The following RHNO1 variants were observed in gnomAD, a reference collection of about 807,000 sequenced individuals.
The protein encoded by RHNO1 is RAD9, HUS1, RAD1-interacting nuclear orphan protein 1.
Under a neutral mutation model 7.2 loss-of-function variants are expected in RHNO1, and 9 were observed. That is an observed-to-expected ratio of 1.25 (90% confidence interval 0.75 to 2.18). The LOEUF (loss-of-function observed/expected upper bound fraction) is 2.18, where lower values mean the gene tolerates loss of function less well. RHNO1 is among the 30% of genes most tolerant of loss of function. RHNO1 has a pLI of 0.00. For missense variants in RHNO1, 292 were observed against 284.5 expected (o/e 1.03, Z -0.19); for synonymous variants, 95 against 107.5 (o/e 0.88, Z 0.72).
At chr12:2,881,477 A>G (rs1389088430) in intron 1 of RHNO1, among the ~76,000 whole-genome samples, 1 of 152,058 alleles carries the variant, frequency 6.6e-6, no homozygotes, top group African/African-American at 2.4e-5. Context: ...ATTCTCTGGT[A>G]TATATTTTCA....
Position 2,883,075 on chromosome 12 carries a change from A to AAAAAACAACAAC in RHNO1, c.-84-2203_-84-2202insCAACAACAAAAA, listed in dbSNP as rs1555108314. On this transcript the variant is annotated intron_variant, in intron 1 of 2. Transcript: ENST00000489288. ...GAGCAAGGCCCTGTCTCAAAAAAAA[A>AAAAAACAACAAC]AAAAAAAAAACACATAGAAAACCTG... Among the ~76,000 whole-genome samples, 38 of 134,504 alleles carry AAAAAACAACAAC rather than the reference A, an allele frequency of 2.8e-4. 1 individual carries two copies. The highest frequency in any genetic ancestry group is 4.8e-4 in the Admixed American group (6 of 12,620). 88.2% of individuals were successfully genotyped at this position (134,504 alleles called of 152,430 possible).
In RHNO1 at chr12:2,888,416, A is replaced by G; in HGVS notation, c.674A>G (p.Glu225Gly). 1 of 1,606,682 alleles carries G rather than the reference A, an allele frequency of 6.2e-7. No homozygotes were observed. The highest frequency in any genetic ancestry group is 8.5e-7 in the Non-Finnish European group (1 of 1,177,132). Reference protein sequence around the residue: ...RRQHLLAYLRERGKLSRSQFL... With the variant: ...RRQHLLAYLRGRGKLSRSQFL... ...CAGCACCTGCTTGCTTACCTCAGGGAGAGAGGGAAGCTGAGCAGAAGCCAA... is the reference window on the plus strand; with the variant it reads ...CAGCACCTGCTTGCTTACCTCAGGGGGAGAGGGAAGCTGAGCAGAAGCCAA... The change falls in exon 3 of 3, where the codon GAG (glutamate) becomes GGG (glycine). Residue 225 changes from glutamate (E) to glycine (G), a missense_variant. Glu to Gly is a moderately conservative substitution (Grantham distance 98). Transcript: ENST00000489288.
chr12:2,883,515 T>G (rs1411239170), intron 1 of RHNO1, among the ~76,000 whole-genome samples: 1 of 24,432 alleles, frequency 4.1e-5, no homozygotes, highest in Admixed American at 5.4e-4. Context: ...ATATATATTT[T>G]TTTTTTTTTT....
rs199616976 is a variant in RHNO1, at chr12:2,888,274, A to G, written c.532A>G (p.Ser178Gly). ...ELIPQDQKEN[S>G]LLSCTLHTGT... ...CATTCCCCAAGATCAGAAGGAAAAC[A>G]GCCTTCTAAGCTGCACTCTTCACAC... Residue 178 changes from serine (S) to glycine (G), a missense_variant, in exon 3 of 3, where the codon AGC becomes GGC. Ser to Gly is a moderately conservative substitution (Grantham distance 56). Transcript: ENST00000489288. The G allele has an allele frequency of 1.6e-4, 260 of 1,614,038 alleles. No homozygotes were observed. Among genetic ancestry groups the G allele is most frequent in the Middle Eastern group, 4.9e-4 (3 of 6,084 alleles).
Position 2,885,385 on chromosome 12 carries a change from C to A in RHNO1, c.19C>A (p.Arg7Ser). 1.9e-6 allele frequency: 3 copies of A among 1,612,618 alleles called. No individual in the cohort carries two copies. The highest frequency in any genetic ancestry group is 2.5e-6 in the Non-Finnish European group (3 of 1,179,560). The change falls in exon 2 of 3, where the codon CGC (arginine) becomes AGC (serine). Residue 7 changes from arginine to serine, a missense_variant. By Grantham distance (110) the Arg-to-Ser change is moderately radical. Transcript: ENST00000489288. ...CCGGTTGATGCCTCCCAGAAAAAAA[C>A]GCCGCCAGCCTTCCCAGAAAGCCCC... MPPRKK[R>S]RQPSQKAPLL...
chr12:2,888,065 G>T lies in RHNO1; in HGVS notation c.323G>T (p.Gly108Val). The T allele has an allele frequency of 6.2e-7, 1 of 1,614,042 alleles. No homozygotes were observed. Among genetic ancestry groups the T allele is most frequent in the Non-Finnish European group, 8.5e-7 (1 of 1,180,008 alleles). ...CAATCTTCCAGTTCAGAGACATTGG[G>T]GATCCCCTTAATCCGAGAGTGCCCC... ...SPQSSSSETL[G>V]IPLIRECPSE... is the part of the protein sequence containing the mutation. Residue 108 changes from glycine to valine, a missense_variant, in exon 3 of 3, where the codon GGG (glycine) becomes GTG (valine). Coordinates refer to ENST00000489288, the MANE Select transcript of RHNO1 (RefSeq NM_001252499.3).
chr12:2,883,823 T>G (rs1438100202), intron 1 of RHNO1, among the ~76,000 whole-genome samples: 2 of 151,854 alleles, frequency 1.3e-5, no homozygotes, highest in South Asian at 4.2e-4. Context: ...GCCAAATATA[T>G]TTTCTTCCAA....
chr12:2,885,561 ATTTTTTTTTT>A (rs10558952), intron 2 of RHNO1, 27 bp downstream of exon 2: 21 of 399,312 alleles, frequency 5.3e-5, no homozygotes, highest in East Asian at 2.2e-4. Flanking sequence ...ACTATTTGAC[ATTTTTTTTTT>A]TTTTTTTTTT....
chr12:2,888,526 G>A lies in RHNO1; in HGVS notation c.*67G>A. ...GAGTCATAAAGGAATTCAATTCCTA[G>A]GGTTTTTGTTTTTGTTTTTGAGATG... On this transcript the variant is annotated 3_prime_UTR_variant, in exon 3 of 3. Transcript: ENST00000489288. 2 of 1,408,990 alleles carry A rather than the reference G, an allele frequency of 1.4e-6. No individual in the cohort carries two copies. The highest frequency in any genetic ancestry group is 2.9e-5 in the South Asian group (2 of 68,560). 87.3% of individuals were successfully genotyped at this position (1,408,990 alleles called of 1,614,324 possible).
At chr12:2,878,829 C>T (rs28990677) in intron 1 of RHNO1, among the ~76,000 whole-genome samples, 1,577 of 151,838 alleles carry the variant, frequency 0.01, 48 homozygotes, top group African/African-American at 0.035. Context: ...AGCTGCATAA[C>T]TGAAGGAATA....
At chr12:2,882,315 A>C (rs2098158890) in intron 1 of RHNO1, among the ~76,000 whole-genome samples, 1 of 151,186 alleles carries the variant, frequency 6.6e-6, no homozygotes, top group South Asian at 2.1e-4. Flanking sequence ...TAAATAAATA[A>C]AACTTTAAAA....
rs1347119277 is a variant in RHNO1, at chr12:2,888,133, G to C, written c.391G>C (p.Val131Leu). The C allele has an allele frequency of 7.4e-6, 12 of 1,613,766 alleles. No homozygotes were observed. The highest frequency in any genetic ancestry group is 1.0e-5 in the Non-Finnish European group (12 of 1,179,900). The change falls in exon 3 of 3, where the codon GTG becomes CTG. Residue 131 changes from valine (V) to leucine (L), a missense_variant. Physicochemically the swap from Val to Leu is conservative, Grantham distance 32. Coordinates refer to ENST00000489288, the MANE Select transcript of RHNO1 (RefSeq NM_001252499.3). ...TGTTTCCAGAAGACCCTTAGTTCCA[G>C]TGCTCAGTCCCCAAAGCTGTGGGAA... ...KDVSRRPLVP[V>L]LSPQSCGNMS...
chr12:2,883,303 G>A (rs1195510053), intron 1 of RHNO1, among the ~76,000 whole-genome samples: 2 of 150,468 alleles, frequency 1.3e-5, no homozygotes, highest in East Asian at 3.9e-4. Flanking sequence ...CTGAGCCTGG[G>A]AGGTCAAGGC....
At chr12:2,876,893 G>A (rs1020395121), upstream of RHNO1, 1 of 152,548 alleles carries the variant, frequency 6.6e-6, no homozygotes, top group African/African-American at 2.4e-5. Context: ...GGCCAGGCCT[G>A]GGACTCCATT....
In RHNO1 at chr12:2,888,475, T is replaced by G. The variant is rs768621136; in HGVS notation, c.*16T>G. ...GAAAAGCTGACTGCCATCAGTAATC[T>G]CAATAGAAAAGAGATATGTTTTCTG... On this transcript the variant is annotated 3_prime_UTR_variant, in exon 3 of 3. Transcript: ENST00000489288. The G allele has an allele frequency of 2.0e-6, 3 of 1,535,052 alleles. No homozygotes were observed. Among genetic ancestry groups the G allele is most frequent in the Admixed American group, 2.2e-5 (1 of 45,754 alleles).
chr12:2,878,350 G>A (rs1024958030), intron 1 of RHNO1, among the ~76,000 whole-genome samples: 3 of 152,100 alleles, frequency 2.0e-5, no homozygotes, highest in African/African-American at 7.3e-5. Context: ...TAAGCAGAGG[G>A]AATCAGGCGT....
At chr12:2,877,512 G>A (rs2098148572) in intron 1 of RHNO1, among the ~76,000 whole-genome samples, 1 of 152,148 alleles carries the variant, frequency 6.6e-6, no homozygotes, top group African/African-American at 2.4e-5. Context: ...TTCAAAGCTC[G>A]GCTTTAGTTG....
intron 2 of RHNO1, 135 bp downstream of exon 2, chr12:2,885,669 G>A: frequency 1.4e-6 from 1 of 726,576 alleles, no homozygotes. Flanking sequence ...CCGCCTCCTG[G>A]GTTCACACCA....
At chr12:2,883,501 A>ATT (rs2098161252) in intron 1 of RHNO1, among the ~76,000 whole-genome samples, 1 of 31,238 alleles carries the variant, frequency 3.2e-5, no homozygotes, top group African/African-American at 1.1e-4. Flanking sequence ...ATATATATAT[A>ATT]TATATATATA....
Sources: allele counts gnomAD v4.1 joint callset (sites outside exome capture counted in the v4.1 genomes callset), GRCh38; gene constraint gnomAD v4.1.1; transcripts MANE v1.5; gene names NCBI Gene and HGNC (gene_info 2026-07-23, HGNC 2026-07-21).